PDE10A: variants seen among roughly 807,000 people sequenced by gnomAD.
PDE10A encodes the protein cAMP and cAMP-inhibited cGMP 3',5'-cyclic phosphodiesterase 10A.
A neutral mutation model predicts 97.7 loss-of-function variants in PDE10A; 39 were observed. The observed-to-expected ratio is 0.40, with a 90% CI of 0.31 to 0.52. The LOEUF is 0.52. Among genes scored for constraint, PDE10A ranks in the 20% least tolerant of loss-of-function variants. PDE10A has a pLI of 0.56. For missense variants in PDE10A, 731 were observed against 1,047.8 expected (o/e 0.70, Z 4.17); for synonymous variants, 371 against 376.8 (o/e 0.98, Z 0.18).
chr6:165,879,301 G>T (rs570010251), intron 1 of PDE10A, among the ~76,000 whole-genome samples: 11 of 152,308 alleles, frequency 7.2e-5, no homozygotes, highest in Admixed American at 2.6e-4. Flanking sequence ...TGCTAAGGGA[G>T]TTCAAGCTGC....
At chr6:165,625,342 A>AAGTGGGT (rs1788333525) in intron 1 of PDE10A, among the ~76,000 whole-genome samples, 1 of 152,200 alleles carries the variant, frequency 6.6e-6, no homozygotes, top group South Asian at 2.1e-4. Context: ...AGGTGGCAAA[A>AAGTGGGT]AGTGGGTGAA....
At position 165,329,969 on chromosome 6, in the gene PDE10A, T is replaced by C. The variant is rs1452896590; in HGVS notation, c.*3056A>G. On this transcript the variant is annotated 3_prime_UTR_variant, in exon 22 of 22. Transcript: ENST00000539869. The stretch of plus-strand genomic sequence containing the variant: ...TTTTAGAATTAGTTTCCACATCCAT[T>C]GTATTTCTTTTGACCCTTTTCTAAT... 1 of 152,212 alleles carries C rather than the reference T, an allele frequency of 6.6e-6. No homozygotes were observed. The highest frequency in any genetic ancestry group is 1.5e-5 in the Non-Finnish European group (1 of 68,034). 9.4% of individuals were successfully genotyped at this position (152,212 alleles called of 1,614,324 possible). A position where few individuals can be genotyped will look rare whatever the true frequency, so the allele number is the denominator to read the frequency against.
intron 1 of PDE10A, among the ~76,000 whole-genome samples, chr6:165,746,500 G>A (rs1027918292): frequency 2.3e-4 from 35 of 152,326 alleles, no homozygotes; most frequent in African/African-American, 6.5e-4. Context: ...CAAACAATGC[G>A]GCAGGAGGGC....
intron 2 of PDE10A, among the ~76,000 whole-genome samples, chr6:165,499,368 A>T (rs968023414): frequency 1.3e-5 from 2 of 152,184 alleles, no homozygotes; most frequent in Non-Finnish European, 2.9e-5. Context: ...TATCAATACC[A>T]CTCAAAGAAA....
chr6:165,399,694 C>T (rs142543302), intron 13 of PDE10A, among the ~76,000 whole-genome samples: 2,282 of 151,596 alleles, frequency 0.015, 58 homozygotes, highest in African/African-American at 0.053. Flanking sequence ...TCTGTCCTTG[C>T]GATAGTTTGC....
rs992020365 is a variant in PDE10A, at chr6:165,432,617, T to C, written c.1491+357A>G. On this transcript the variant is annotated intron_variant, in intron 7 of 21. Coordinates refer to ENST00000539869, the MANE Select transcript of PDE10A (RefSeq NM_001385079.1). ...ATGTATTTGACACTAGAGTCTTTTA[T>C]GCAGGACACAAGCTAAGAAAAAGAC... Among the ~76,000 whole-genome samples, 4 of 152,218 alleles carry C rather than the reference T, an allele frequency of 2.6e-5. No individual in the cohort carries two copies. In the East Asian group the frequency reaches 5.8e-4, roughly 22 times the overall value.
intron 2 of PDE10A, among the ~76,000 whole-genome samples, chr6:165,532,998 G>C (rs563799298): frequency 2.6e-5 from 4 of 152,304 alleles, no homozygotes; most frequent in African/African-American, 9.6e-5. Flanking sequence ...ACAGCAGACA[G>C]AGAGCATGGA....
At chr6:165,743,330 C>T (rs915383253) in intron 1 of PDE10A, among the ~76,000 whole-genome samples, 4 of 152,206 alleles carry the variant, frequency 2.6e-5, no homozygotes, top group East Asian at 1.9e-4. Flanking sequence ...TAACATCTTA[C>T]GTAACCATGG....
At chr6:165,365,202 A>G (rs1450724022) in intron 18 of PDE10A, among the ~76,000 whole-genome samples, 1 of 152,216 alleles carries the variant, frequency 6.6e-6, no homozygotes, top group Non-Finnish European at 1.5e-5. Flanking sequence ...AAAATTAGAT[A>G]TAAATACAAA....
intron 1 of PDE10A, among the ~76,000 whole-genome samples, chr6:165,942,565 C>G (rs999850287): frequency 6.6e-6 from 1 of 152,094 alleles, no homozygotes; most frequent in Non-Finnish European, 1.5e-5. Context: ...CAGGGCTCGC[C>G]GCTCTGCCCC....
At chr6:165,880,413 T>C (rs187511312) in intron 1 of PDE10A, among the ~76,000 whole-genome samples, 4 of 152,336 alleles carry the variant, frequency 2.6e-5, no homozygotes, top group African/African-American at 9.6e-5. Flanking sequence ...GGTTTGAATC[T>C]ATGTGGACAT....
intron 13 of PDE10A, among the ~76,000 whole-genome samples, chr6:165,403,222 T>C (rs1786814180): frequency 6.6e-6 from 1 of 152,190 alleles, no homozygotes; most frequent in Admixed American, 6.5e-5. Flanking sequence ...ATCAGCACTG[T>C]GTTGCCACAT....
chr6:165,549,317 G>C (rs77538531), intron 1 of PDE10A, among the ~76,000 whole-genome samples: 2 of 151,944 alleles, frequency 1.3e-5, no homozygotes, highest in Non-Finnish European at 2.9e-5. Flanking sequence ...AAGTTATTAC[G>C]GTTTTTTCTG....
rs150738814 is a variant in PDE10A, at chr6:165,393,580, C to A, written c.2304-784G>T. ...TTCTCCACTGAAAATTTTCAAATGT[C>A]TTTGAAGTATAAGGTATGGCATTTT... is the stretch of plus-strand genomic sequence containing the variant. On this transcript the variant is annotated intron_variant, in intron 15 of 21. Transcript: ENST00000539869. Among the ~76,000 whole-genome samples the A allele has an allele frequency of 4.6e-3, 699 of 151,970 alleles. 4 individuals are homozygous for A. Among genetic ancestry groups the A allele is most frequent in the African/African-American group, 0.016 (660 of 41,482 alleles).
chr6:165,980,809 G>A (rs1160795107), intron 1 of PDE10A, among the ~76,000 whole-genome samples: 1 of 152,136 alleles, frequency 6.6e-6, no homozygotes, highest in Non-Finnish European at 1.5e-5. Context: ...CAAGATATTG[G>A]TCATCGTGAT....
intron 5 of PDE10A, among the ~76,000 whole-genome samples, chr6:165,436,617 A>C (rs1790038749): frequency 6.6e-6 from 1 of 152,170 alleles, no homozygotes. Flanking sequence ...ATTAAGTACG[A>C]TGCATGTGAA....
intron 2 of PDE10A, among the ~76,000 whole-genome samples, chr6:165,523,589 C>G (rs1199753723): frequency 6.6e-6 from 1 of 152,020 alleles, no homozygotes; most frequent in Non-Finnish European, 1.5e-5. Context: ...AACCTAGACC[C>G]CAACCTATCA....
At chr6:165,828,753 C>T (rs1008746547) in intron 1 of PDE10A, among the ~76,000 whole-genome samples, 1 of 152,136 alleles carries the variant, frequency 6.6e-6, no homozygotes, top group African/African-American at 2.4e-5. Context: ...AAGCAGAGCC[C>T]ACTGCGGGCA....
intron 1 of PDE10A, among the ~76,000 whole-genome samples, chr6:165,965,636 G>T (rs552413718): frequency 6.6e-6 from 1 of 152,240 alleles, no homozygotes; most frequent in East Asian, 1.9e-4. Flanking sequence ...TATGCTGCTC[G>T]GGAAATATAA....
Sources: allele counts gnomAD v4.1 joint callset (sites outside exome capture counted in the v4.1 genomes callset), GRCh38; gene constraint gnomAD v4.1.1; transcripts MANE v1.5; gene names NCBI Gene and HGNC (gene_info 2026-07-23, HGNC 2026-07-21).